The following ZHX2 variants were observed in gnomAD, a reference collection of about 807,000 sequenced individuals.
ZHX2 encodes zinc fingers and homeoboxes protein 2.
ZHX2 carries 6 observed loss-of-function variants against 21.9 expected under a neutral mutation model. The observed-to-expected ratio is 0.27, with a 90% CI of 0.15 to 0.54. The LOEUF is 0.54. Ranked by LOEUF, ZHX2 falls within the 20% of genes least tolerant of loss-of-function variation. The probability of loss-of-function intolerance (pLI) is 0.95; values close to 1 mark genes in which losing one functional copy is unlikely to be tolerated. For synonymous variants in ZHX2, 434 were observed against 437.1 expected (o/e 0.99, Z 0.09); for missense variants, 908 against 1,090.7 (o/e 0.83, Z 2.36).
chr8:122,948,483 G>A (rs1218775884), intron 2 of ZHX2, among the ~76,000 whole-genome samples: 1 of 152,020 alleles, frequency 6.6e-6, no homozygotes, highest in Non-Finnish European at 1.5e-5. Context: ...TATTTCACAG[G>A]TGATATTGAT....
Position 122,828,360 on chromosome 8 carries a change from G to C in ZHX2, c.-282-35117G>C, listed in dbSNP as rs1818305652. ...TGTGTGTGTTAGTGATATGGAGGAA[G>C]AGGATCTCACTCACACACCAGGAGA... On this transcript the variant is annotated intron_variant, in intron 1 of 3. Coordinates refer to ENST00000314393, the MANE Select transcript of ZHX2 (RefSeq NM_014943.5). The surrounding 1 kb of genome is among the most constrained non-coding windows in gnomAD (Gnocchi z 5.2). Among the ~76,000 whole-genome samples the C allele has an allele frequency of 6.6e-6, 1 of 152,206 alleles. No homozygotes were observed. The highest frequency in any genetic ancestry group is 6.5e-5 in the Admixed American group (1 of 15,286).
At chr8:122,786,197 G>A (rs1321554278) in intron 1 of ZHX2, among the ~76,000 whole-genome samples, 1 of 152,164 alleles carries the variant, frequency 6.6e-6, no homozygotes, top group African/African-American at 2.4e-5. Flanking sequence ...GGAAGGGGGT[G>A]CCATTTACTC....
chr8:122,824,461 T>C (rs1453495103), intron 1 of ZHX2, among the ~76,000 whole-genome samples: 1 of 152,154 alleles, frequency 6.6e-6, no homozygotes, highest in East Asian at 1.9e-4. Flanking sequence ...CCGAACATGC[T>C]CGGGGACGTG....
intron 2 of ZHX2, among the ~76,000 whole-genome samples, chr8:122,866,708 G>A (rs967865511): frequency 5.3e-5 from 8 of 152,180 alleles, no homozygotes; most frequent in African/African-American, 1.9e-4. Context: ...GAAGTGTGTC[G>A]AGGCATATCC....
intron 2 of ZHX2, among the ~76,000 whole-genome samples, chr8:122,927,977 A>T (rs117514889): frequency 6.6e-6 from 1 of 152,280 alleles, no homozygotes; most frequent in Non-Finnish European, 1.5e-5. Flanking sequence ...TGCCCTCAGG[A>T]TAAACACTAC....
Position 122,953,784 on chromosome 8 carries a change from CTGTT to C in ZHX2, c.2277_2280del (p.Leu760GlnfsTer36). On this transcript the variant is annotated frameshift_variant, in exon 3 of 4. Transcript: ENST00000314393. LOFTEE classifies it low-confidence loss of function (END_TRUNC). The surrounding 1 kb of genome is among the most constrained non-coding windows in gnomAD (Gnocchi z 4.6). Reference sequence around the variant, plus strand: ...AAGTAGGCAGCGAGCCAGCAAAAGACTGTTTGCCAGCAAAGCCCTCAGAGGCCAC... The same window carrying C: ...AAGTAGGCAGCGAGCCAGCAAAAGACTGCCAGCAAAGCCCTCAGAGGCCAC... The C allele has an allele frequency of 6.2e-7, 1 of 1,614,258 alleles. No individual in the cohort carries two copies. The highest frequency in any genetic ancestry group is 8.5e-7 in the Non-Finnish European group (1 of 1,180,044).
At chr8:122,841,668 G>A (rs1344149434) in intron 1 of ZHX2, among the ~76,000 whole-genome samples, 1 of 152,202 alleles carries the variant, frequency 6.6e-6, no homozygotes, top group East Asian at 1.9e-4. Flanking sequence ...CAGCCCTCCA[G>A]CTAGAGAGAG....
chr8:122,789,318 G>A (rs1296001919), intron 1 of ZHX2, among the ~76,000 whole-genome samples: 1 of 152,166 alleles, frequency 6.6e-6, no homozygotes, highest in South Asian at 2.1e-4. Context: ...TTACGTTCCC[G>A]CTGTTCTTAA....
Position 122,953,571 on chromosome 8 carries a change from C to A in ZHX2, c.2061C>A (p.Thr687=), listed in dbSNP as rs776218842. 1 of 1,614,144 alleles carries A rather than the reference C, an allele frequency of 6.2e-7. No homozygotes were observed. The highest frequency in any genetic ancestry group is 1.7e-5 in the Admixed American group (1 of 60,020). The change falls in exon 3 of 4, where the codon ACC becomes ACA. Residue 687 remains threonine (T), a synonymous_variant. Transcript: ENST00000314393. This position sits in a 1 kb window ranked among gnomAD's most constrained non-coding sequence, Gnocchi z 4.6. Reference sequence around the variant, plus strand: ...ACAGATGCTTGCTGAAAACGGGAACCGTGAAGTGGATGGAGCAGTACCAGC... The same window carrying A: ...ACAGATGCTTGCTGAAAACGGGAACAGTGAAGTGGATGGAGCAGTACCAGC... ...KENRCLLKTG[T]VKWMEQYQHQ...
At chr8:122,875,718 C>T (rs1036230740) in intron 2 of ZHX2, among the ~76,000 whole-genome samples, 2 of 152,250 alleles carry the variant, frequency 1.3e-5, no homozygotes, top group African/African-American at 4.8e-5. Flanking sequence ...ACAGAAGCTG[C>T]CTGGGGGTGC....
chr8:122,949,804 G>A (rs1813065419), intron 2 of ZHX2, among the ~76,000 whole-genome samples: 1 of 152,200 alleles, frequency 6.6e-6, no homozygotes, highest in African/African-American at 2.4e-5. Context: ...CCAGGAGATG[G>A]AGGATTGCTT....
At chr8:122,801,788 G>A (rs1440333494) in intron 1 of ZHX2, among the ~76,000 whole-genome samples, 5 of 152,134 alleles carry the variant, frequency 3.3e-5, no homozygotes, top group South Asian at 2.1e-4. Flanking sequence ...GAGACGTTTC[G>A]TAATATCCTC....
chr8:122,883,749 C>T lies in ZHX2; in HGVS notation c.-220+20210C>T, dbSNP rs935383107. ...AAGAAAGACCCGTTTGTTGGTGGAA[C>T]CAAATGTCAGAAGGGTTTCAGCTTG... On this transcript the variant is annotated intron_variant, in intron 2 of 3. Coordinates refer to ENST00000314393, the MANE Select transcript of ZHX2 (RefSeq NM_014943.5). Among the ~76,000 whole-genome samples, 59 of 152,186 alleles carry T rather than the reference C, an allele frequency of 3.9e-4. 1 individual carries two copies. Among genetic ancestry groups the T allele is most frequent in the Non-Finnish European group, 7.3e-5 (5 of 68,034 alleles).
intron 2 of ZHX2, among the ~76,000 whole-genome samples, chr8:122,924,412 T>C (rs1318635155): frequency 6.6e-6 from 1 of 152,230 alleles, no homozygotes; most frequent in Non-Finnish European, 1.5e-5. Flanking sequence ...AGTGACCTCA[T>C]GTTAACTTGA....
chr8:122,926,819 C>T lies in ZHX2; in HGVS notation c.-219-24473C>T, dbSNP rs575995469. The stretch of plus-strand genomic sequence containing the variant: ...GTGTGTAGCATCTTCTCTCTGACTC[C>T]GCTTCCCCCTGCTGCTGTCACGTGG... On this transcript the variant is annotated intron_variant, in intron 2 of 3. Transcript: ENST00000314393. Among the ~76,000 whole-genome samples the T allele has an allele frequency of 3.9e-5, 6 of 152,190 alleles. No homozygotes were observed. The East Asian group carries it at 5.8e-4, about 15-fold the overall frequency.
intron 1 of ZHX2, among the ~76,000 whole-genome samples, chr8:122,801,616 T>C (rs1586577779): frequency 6.7e-6 from 1 of 148,714 alleles, no homozygotes; most frequent in East Asian, 2.0e-4. Flanking sequence ...CCAGGCTTGG[T>C]AGCACACACA....
chr8:122,852,233 A>G (rs143061996), intron 1 of ZHX2, among the ~76,000 whole-genome samples: 278 of 152,302 alleles, frequency 1.8e-3, no homozygotes, highest in African/African-American at 6.5e-3. Context: ...TTAGAATCAA[A>G]TATTTCAGTA....
chr8:122,799,404 TTTTTG>T (rs1480799909), intron 1 of ZHX2, among the ~76,000 whole-genome samples: 1 of 151,130 alleles, frequency 6.6e-6, no homozygotes, highest in Non-Finnish European at 1.5e-5. Flanking sequence ...ACAATTTTTT[TTTTTG>T]TTTGTTTTTT....
chr8:122,903,976 T>C (rs187242933), intron 2 of ZHX2, among the ~76,000 whole-genome samples: 6 of 152,202 alleles, frequency 3.9e-5, no homozygotes, highest in African/African-American at 1.4e-4. Context: ...AAAACAAGCA[T>C]AAGACCCTGA....
Sources: allele counts gnomAD v4.1 joint callset (sites outside exome capture counted in the v4.1 genomes callset), GRCh38; gene constraint gnomAD v4.1.1; non-coding constraint Gnocchi (gnomAD v3.1); transcripts MANE v1.5; gene names NCBI Gene and HGNC (gene_info 2026-07-23, HGNC 2026-07-21).